The following ARRDC1 variants were observed in gnomAD, a reference collection of about 807,000 sequenced individuals.
ARRDC1 encodes the protein arrestin domain containing 1, also known as arrestin domain-containing protein 1.
A neutral mutation model predicts 40.1 loss-of-function variants in ARRDC1; 37 were observed. That is an observed-to-expected ratio of 0.92 (90% CI 0.71 to 1.21). The LOEUF is 1.21. ARRDC1 is among the 50% of genes most tolerant of loss of function. The pLI is 0.00. For missense variants in ARRDC1, 641 were observed against 581.9 expected (o/e 1.10, Z -1.04); for synonymous variants, 310 against 262.5 (o/e 1.18, Z -1.75).
intron 7 of ARRDC1, 29 bp downstream of exon 7, chr9:137,615,029 A>G (rs1842644969): frequency 6.2e-7 from 1 of 1,612,048 alleles, no homozygotes; most frequent in African/African-American, 1.3e-5. Context: ...CTTGGCAGGG[A>G]GGGGACGCCA....
In ARRDC1 at chr9:137,614,746, T is replaced by G. The variant is rs1477382571; in HGVS notation, c.983T>G (p.Phe328Cys). 4 of 1,608,972 alleles carry G rather than the reference T, an allele frequency of 2.5e-6. No individual in the cohort carries two copies. The highest frequency in any genetic ancestry group is 1.7e-5 in the Admixed American group (1 of 59,384). The change falls in exon 7 of 8, where the codon TTC (phenylalanine) becomes TGC (cysteine). Residue 328 changes from phenylalanine (F) to cysteine (C), a missense_variant. By Grantham distance (205) the Phe-to-Cys change is radical (BLOSUM62 -2). Transcript: ENST00000371421. ...EAEAAAGGPHFLDPVFLSTKS... is the reference protein window; with the variant it reads ...EAEAAAGGPHCLDPVFLSTKS... Reference sequence around the variant, plus strand: ...GAGGCTGCGGCTGGCGGCCCCCACTTCTTGGACCCCGTCTTCCTCTCCACC... The same window carrying G: ...GAGGCTGCGGCTGGCGGCCCCCACTGCTTGGACCCCGTCTTCCTCTCCACC...
chr9:137,610,943 C>T lies in ARRDC1; in HGVS notation c.119-1953C>T, dbSNP rs948035901. On this transcript the variant is annotated intron_variant, in intron 1 of 7. Coordinates refer to ENST00000371421, the MANE Select transcript of ARRDC1 (RefSeq NM_152285.4). ...AACTCCTGACCTCAAGTGATCCACCCGCCTTGGCCTCCCACAGTGCTGGGA... is the reference window on the plus strand; with the variant it reads ...AACTCCTGACCTCAAGTGATCCACCTGCCTTGGCCTCCCACAGTGCTGGGA... Among the ~76,000 whole-genome samples the T allele has an allele frequency of 5.3e-5, 8 of 152,062 alleles. No individual in the cohort carries two copies. In the South Asian group the frequency reaches 6.2e-4, roughly 12 times the overall value.
chr9:137,605,920 G>A, intron 1 of ARRDC1, 85 bp downstream of exon 1: 1 of 856,862 alleles, frequency 1.2e-6, no homozygotes, highest in Non-Finnish European at 1.5e-6. Flanking sequence ...GCCTGGCCCC[G>A]GGTTGGGCCC....
In ARRDC1 at chr9:137,615,099, C is replaced by T. The variant is rs374533199; in HGVS notation, c.1263C>T (p.Ser421=). ...AGGCCCCACCGTCTTATGAGCAGAGCTGCGGCGGCGTGGAACCCAGCCTGA... is the reference window on the plus strand; with the variant it reads ...AGGCCCCACCGTCTTATGAGCAGAGTTGCGGCGGCGTGGAACCCAGCCTGA... The part of the protein sequence containing the change: ...PYEAPPSYEQ[S]CGGVEPSLTP... Residue 421 remains serine (S), a synonymous_variant, in exon 8 of 8, where the codon AGC becomes AGT. Transcript: ENST00000371421. 7.0e-6 allele frequency: 11 copies of T among 1,567,820 alleles called. No homozygotes were observed. The highest frequency in any genetic ancestry group is 5.4e-5 in the Admixed American group (3 of 55,820).
At chr9:137,613,205 T>C (rs1466065801) in intron 2 of ARRDC1, 199 bp downstream of exon 2, 11 of 738,150 alleles carry the variant, frequency 1.5e-5, no homozygotes, top group Non-Finnish European at 2.4e-5. Flanking sequence ...TTGTGCTGGA[T>C]TTGGGTGGGC....
chr9:137,613,745 C>T lies in ARRDC1; in HGVS notation c.411C>T (p.Asn137=), dbSNP rs563249234. Residue 137 remains asparagine, a synonymous_variant, in exon 4 of 8, where the codon AAC becomes AAT. Coordinates refer to ENST00000371421, the MANE Select transcript of ARRDC1 (RefSeq NM_152285.4). ...SLVFYILSPL[N]LNSIPDIEQP... ...TGTTCTATATCTTGAGCCCCTTGAA[C>T]CTGAACAGCATCCCAGACATTGAGG... is the stretch of plus-strand genomic sequence containing the variant. The T allele has an allele frequency of 3.1e-6, 5 of 1,614,202 alleles. No homozygotes were observed. The highest frequency in any genetic ancestry group is 2.2e-5 in the South Asian group (2 of 91,090).
chr9:137,614,296 C>A lies in ARRDC1; in HGVS notation c.619-3C>A. 6.3e-7 allele frequency: 1 copy of A among 1,588,276 alleles called. No homozygotes were observed. Among genetic ancestry groups the A allele is most frequent in the South Asian group, 1.1e-5 (1 of 87,444 alleles). ...GCAGGCTCACAGGCTGGTCCTTCCC[C>A]AGAAAGTGTCCTATAAGGCCAAGCG... On this transcript the variant is annotated splice_region_variant and splice_polypyrimidine_tract_variant and intron_variant, in intron 5 of 7. Coordinates refer to ENST00000371421, the MANE Select transcript of ARRDC1 (RefSeq NM_152285.4).
In ARRDC1 at chr9:137,605,712, C is replaced by A; in HGVS notation, c.-6C>A. 7.4e-7 allele frequency: 1 copy of A among 1,360,228 alleles called. No homozygotes were observed. Among genetic ancestry groups the A allele is most frequent in the Non-Finnish European group, 9.5e-7 (1 of 1,054,078 alleles). 84.3% of individuals were successfully genotyped at this position (1,360,228 alleles called of 1,614,324 possible). A position where few individuals can be genotyped will look rare whatever the true frequency, so the allele number is the denominator to read the frequency against. ...TCGCTGCGCGGCTGGCCGGTGAGGC[C>A]GCGGCATGGGGCGAGTGCAGCTCTT... is the stretch of plus-strand genomic sequence containing the variant. On this transcript the variant is annotated 5_prime_UTR_variant, in exon 1 of 8. Transcript: ENST00000371421.
In ARRDC1 at chr9:137,612,880, G is replaced by A. The variant is rs1842559167; in HGVS notation, c.119-16G>A. On this transcript the variant is annotated splice_polypyrimidine_tract_variant and intron_variant, in intron 1 of 7. Coordinates refer to ENST00000371421, the MANE Select transcript of ARRDC1 (RefSeq NM_152285.4). ...CCGTCGGCTGGCTGGGGCTCATGCA[G>A]CCATCCCCTTTGCAGCCATCCGGGT... 1 of 1,605,420 alleles carries A rather than the reference G, an allele frequency of 6.2e-7. No homozygotes were observed.
rs772962745 is a variant in ARRDC1, at chr9:137,614,302, G to A, written c.622G>A (p.Val208Met). The change falls in exon 6 of 8, where the codon GTG becomes ATG. Residue 208 changes from valine to methionine, a missense_variant. Transcript: ENST00000371421. ...TCACAGGCTGGTCCTTCCCCAGAAA[G>A]TGTCCTATAAGGCCAAGCGCTGGAT... ...SPVVASLLQK[V>M]SYKAKRWIHD... 20 of 1,591,276 alleles carry A rather than the reference G, an allele frequency of 1.3e-5. No individual in the cohort carries two copies. Among genetic ancestry groups the A allele is most frequent in the Non-Finnish European group, 1.7e-5 (20 of 1,166,798 alleles).
intron 1 of ARRDC1, among the ~76,000 whole-genome samples, chr9:137,610,801 G>C (rs1842501972): frequency 6.6e-6 from 1 of 152,214 alleles, no homozygotes; most frequent in South Asian, 2.1e-4. Flanking sequence ...GACCTCAGGT[G>C]ATCTGCCTGC....
chr9:137,611,915 T>G (rs1179626358), intron 1 of ARRDC1: 1 of 152,260 alleles, frequency 6.6e-6, no homozygotes, highest in Non-Finnish European at 1.5e-5. Context: ...ACACCGGTAC[T>G]CCTCCTGCCT....
chr9:137,612,143 C>T (rs547808705), intron 1 of ARRDC1: 1 of 152,466 alleles, frequency 6.6e-6, no homozygotes, highest in African/African-American at 2.4e-5. Flanking sequence ...CCCTTGTGAC[C>T]AGCTTCTGCT....
In ARRDC1 at chr9:137,613,026, C is replaced by T; in HGVS notation, c.229+20C>T. On this transcript the variant is annotated intron_variant, in intron 2 of 7. Coordinates refer to ENST00000371421, the MANE Select transcript of ARRDC1 (RefSeq NM_152285.4). ...ACAAGGGTAAGTTTGGGAGCCAGTT[C>T]CCGAGTGGTGACCCCTGGGGGCAGC... 1.9e-6 allele frequency: 3 copies of T among 1,592,130 alleles called. No homozygotes were observed. Among genetic ancestry groups the T allele is most frequent in the Middle Eastern group, 3.3e-4 (2 of 6,034 alleles).
In ARRDC1 at chr9:137,607,127, AAGG is replaced by A. The variant is rs577335846; in HGVS notation, c.118+1296_118+1298del. Among the ~76,000 whole-genome samples, 437 of 152,286 alleles carry A rather than the reference AAGG, an allele frequency of 2.9e-3. 1 individual carries two copies. The highest frequency in any genetic ancestry group is 4.2e-3 in the Non-Finnish European group (287 of 68,004). On this transcript the variant is annotated intron_variant, in intron 1 of 7. Coordinates refer to ENST00000371421, the MANE Select transcript of ARRDC1 (RefSeq NM_152285.4). ...GAGGCTGGTCTGAATGAGGGAGAAA[AAGG>A]AGGGTCGTGAGCTAAGGAGTAGGAG...
rs757821323 is a variant in ARRDC1, at chr9:137,614,616, G to A, written c.853G>A (p.Ala285Thr). 5.6e-6 allele frequency: 9 copies of A among 1,612,850 alleles called. No homozygotes were observed. The highest frequency in any genetic ancestry group is 7.6e-6 in the Non-Finnish European group (9 of 1,179,886). ...CCTCCCGGTCTTCATTGGCAATATTGCTGTGAACCATGCCCCAGTGAGCCC... is the reference window on the plus strand; with the variant it reads ...CCTCCCGGTCTTCATTGGCAATATTACTGTGAACCATGCCCCAGTGAGCCC... Reference protein sequence around the residue: ...VTLPVFIGNIAVNHAPVSPRP... With the variant: ...VTLPVFIGNITVNHAPVSPRP... The change falls in exon 7 of 8, where the codon GCT (alanine) becomes ACT (threonine). Residue 285 changes from alanine to threonine, a missense_variant. Ala to Thr is a moderately conservative substitution (Grantham distance 58). Coordinates refer to ENST00000371421, the MANE Select transcript of ARRDC1 (RefSeq NM_152285.4).
chr9:137,607,148 A>G (rs191425584), intron 1 of ARRDC1, among the ~76,000 whole-genome samples: 24 of 152,306 alleles, frequency 1.6e-4, no homozygotes, highest in Non-Finnish European at 3.1e-4. Flanking sequence ...TGAGCTAAGG[A>G]GTAGGAGATG....
At chr9:137,611,864 A>G (rs779802687) in intron 1 of ARRDC1, 2 of 152,338 alleles carry the variant, frequency 1.3e-5, no homozygotes, top group Non-Finnish European at 2.9e-5. Context: ...TGCTGGGGAG[A>G]CCACAGGTGA....
Position 137,613,521 on chromosome 9 carries a change from A to G in ARRDC1, c.280+11A>G, listed in dbSNP as rs773706623. 1 of 1,613,868 alleles carries G rather than the reference A, an allele frequency of 6.2e-7. No individual in the cohort carries two copies. The highest frequency in any genetic ancestry group is 2.2e-5 in the East Asian group (1 of 44,872). ...AGTTCCTGCTTCCTGGTGAGAGCCC[A>G]GCCTGGACAGGCCTGGTGATGACCA... is the stretch of plus-strand genomic sequence containing the variant. On this transcript the variant is annotated intron_variant, in intron 3 of 7. Transcript: ENST00000371421.
Sources: allele counts gnomAD v4.1 joint callset (sites outside exome capture counted in the v4.1 genomes callset), GRCh38; gene constraint gnomAD v4.1.1; transcripts MANE v1.5; gene names NCBI Gene and HGNC (gene_info 2026-07-23, HGNC 2026-07-21).